DCDC1: variants seen among roughly 807,000 people sequenced by gnomAD.
The protein encoded by DCDC1 is doublecortin domain containing 1, also known as doublecortin domain-containing protein 1.
DCDC1 carries 200 observed loss-of-function variants against 178.3 expected under a neutral mutation model. The observed-to-expected ratio is 1.12, with a 90% CI of 1.00 to 1.26. The LOEUF (loss-of-function observed/expected upper bound fraction) is 1.26. Ranked by LOEUF, DCDC1 falls within the 50% of genes most tolerant of loss-of-function variation. The pLI is 0.00. For synonymous variants in DCDC1, 690 were observed against 604.8 expected, an observed-to-expected ratio of 1.14 and a Z score of -2.07; for missense variants, 1,983 against 1,749.2, an observed-to-expected ratio of 1.13 and a Z score of -2.38.
chr11:31,007,441 A>G (rs1951913820), intron 20 of DCDC1, among the ~76,000 whole-genome samples: 1 of 152,176 alleles, frequency 6.6e-6, no homozygotes, highest in South Asian at 2.1e-4. Flanking sequence ...CGTCAGTCCT[A>G]ACAGGATGAA....
chr11:30,957,898 A>G (rs1948861991), intron 20 of DCDC1, among the ~76,000 whole-genome samples: 1 of 152,184 alleles, frequency 6.6e-6, no homozygotes, highest in African/African-American at 2.4e-5. Flanking sequence ...ACTTACACCT[A>G]TGGCCTGAAG....
At chr11:31,118,308 A>G (rs1393684707) in intron 11 of DCDC1, among the ~76,000 whole-genome samples, 1 of 152,158 alleles carries the variant, frequency 6.6e-6, no homozygotes, top group African/African-American at 2.4e-5. Context: ...AGAAACTAAA[A>G]GCTGTACAAA....
chr11:30,923,182 T>G (rs1284015692), intron 23 of DCDC1, among the ~76,000 whole-genome samples: 1 of 152,170 alleles, frequency 6.6e-6, no homozygotes, highest in Admixed American at 6.5e-5. Context: ...CTATTCCCAT[T>G]CATTTACACG....
chr11:30,923,637 G>C (rs754553980), intron 23 of DCDC1, among the ~76,000 whole-genome samples: 5 of 150,564 alleles, frequency 3.3e-5, no homozygotes, highest in Non-Finnish European at 7.4e-5. Flanking sequence ...ATTATTATTT[G>C]AGATGGAGTC....
At chr11:31,187,252 T>C (rs1969611769) in intron 9 of DCDC1, among the ~76,000 whole-genome samples, 1 of 152,220 alleles carries the variant, frequency 6.6e-6, no homozygotes, top group African/African-American at 2.4e-5. Context: ...CAGTATCTAA[T>C]GCCATTGGTG....
At chr11:31,265,821 G>A (rs1945118177) in intron 7 of DCDC1, among the ~76,000 whole-genome samples, 1 of 149,862 alleles carries the variant, frequency 6.7e-6, no homozygotes, top group Non-Finnish European at 1.5e-5. Flanking sequence ...AAAAAAGAAA[G>A]AAAGAAGATT....
intron 2 of DCDC1, among the ~76,000 whole-genome samples, chr11:31,333,515 A>G (rs1401403100): frequency 6.6e-6 from 1 of 152,122 alleles, no homozygotes; most frequent in Non-Finnish European, 1.5e-5. Context: ...AGTGGCTGGT[A>G]CTGGTTGTTT....
intron 32 of DCDC1, among the ~76,000 whole-genome samples, chr11:30,903,111 G>A (rs776240420): frequency 1.3e-5 from 2 of 152,012 alleles, no homozygotes; most frequent in Non-Finnish European, 2.9e-5. Context: ...AATTTCTTAA[G>A]TGGTCTCCAG....
chr11:31,349,954 CTAGT>C (rs1321723365), intron 1 of DCDC1, among the ~76,000 whole-genome samples: 1 of 152,068 alleles, frequency 6.6e-6, no homozygotes, highest in Non-Finnish European at 1.5e-5. Context: ...GTTTAATATC[CTAGT>C]TAGTGGCTCC....
intron 20 of DCDC1, among the ~76,000 whole-genome samples, chr11:31,048,834 G>A (rs1403230741): frequency 6.6e-6 from 1 of 152,094 alleles, no homozygotes; most frequent in Non-Finnish European, 1.5e-5. Context: ...TCCAGCCTGG[G>A]CGAAAGAGCA....
At chr11:31,245,796 G>A (rs1302480806) in intron 8 of DCDC1, among the ~76,000 whole-genome samples, 1 of 151,680 alleles carries the variant, frequency 6.6e-6, no homozygotes, top group Non-Finnish European at 1.5e-5. Context: ...AAATAAAAAA[G>A]GTAATTTCTT....
chr11:31,301,941 G>A (rs550194266), intron 6 of DCDC1, among the ~76,000 whole-genome samples: 3 of 152,082 alleles, frequency 2.0e-5, no homozygotes, highest in East Asian at 3.9e-4. Flanking sequence ...CTGTGACTAC[G>A]TCTTCACAAT....
At chr11:31,228,244 G>A (rs565070937) in intron 9 of DCDC1, among the ~76,000 whole-genome samples, 57 of 151,958 alleles carry the variant, frequency 3.8e-4, no homozygotes, top group African/African-American at 1.3e-3. Context: ...GACCACAATG[G>A]AAACTAGAAA....
intron 18 of DCDC1, among the ~76,000 whole-genome samples, chr11:31,065,880 C>G (rs1446920857): frequency 6.6e-6 from 1 of 152,170 alleles, no homozygotes; most frequent in East Asian, 1.9e-4. Flanking sequence ...GGTCAAGTGA[C>G]TCACACACAG....
chr11:31,348,712 C>G (rs1424204906), intron 1 of DCDC1, among the ~76,000 whole-genome samples: 1 of 152,102 alleles, frequency 6.6e-6, no homozygotes, highest in Admixed American at 6.6e-5. Context: ...AAGTTGCTGC[C>G]ACACTCAACC....
intron 18 of DCDC1, among the ~76,000 whole-genome samples, chr11:31,069,034 G>A (rs1010297759): frequency 6.6e-6 from 1 of 151,870 alleles, no homozygotes; most frequent in African/African-American, 2.4e-5. Flanking sequence ...TGTATTTTTA[G>A]TAGAGACAGG....
At chr11:31,022,965 C>A (rs1421169021) in intron 20 of DCDC1, among the ~76,000 whole-genome samples, 1 of 152,056 alleles carries the variant, frequency 6.6e-6, no homozygotes, top group African/African-American at 2.4e-5. Context: ...ATCATGACAA[C>A]CTTTCAGTGA....
intron 10 of DCDC1, among the ~76,000 whole-genome samples, chr11:31,137,128 T>C (rs574872360): frequency 7.9e-5 from 12 of 152,280 alleles, no homozygotes; most frequent in African/African-American, 2.9e-4. Flanking sequence ...AATTTACTAA[T>C]TTAGAAAACT....
chr11:31,327,668 A>G (rs1388438205), intron 3 of DCDC1, among the ~76,000 whole-genome samples: 3 of 152,052 alleles, frequency 2.0e-5, no homozygotes, highest in African/African-American at 7.3e-5. Flanking sequence ...GAAGGGCTCT[A>G]CTCTAAGCAA....
Sources: allele counts gnomAD v4.1 joint callset (sites outside exome capture counted in the v4.1 genomes callset), GRCh38; gene constraint gnomAD v4.1.1; transcripts MANE v1.5; gene names NCBI Gene and HGNC (gene_info 2026-07-23, HGNC 2026-07-21).